Variants in MAP1B observed in about 807,000 individuals in gnomAD.
The protein encoded by MAP1B is microtubule associated protein 1B.
In MAP1B, 12 loss-of-function variants were observed where a neutral mutation model predicts 176.1. That is an observed-to-expected ratio of 0.07 (90% CI 0.04 to 0.11). The LOEUF (loss-of-function observed/expected upper bound fraction) is 0.11. MAP1B is among the 10% of genes least tolerant of loss of function. MAP1B has a pLI of 1.00. For synonymous variants in MAP1B, 1,044 were observed against 1,135.0 expected (o/e 0.92, Z 1.61); for missense variants, 2,523 against 2,990.5 (o/e 0.84, Z 3.65).
At chr5:72,136,141 G>A (rs1745834829) in intron 2 of MAP1B, among the ~76,000 whole-genome samples, 1 of 152,188 alleles carries the variant, frequency 6.6e-6, no homozygotes, top group African/African-American at 2.4e-5. Context: ...TAGGTACTAA[G>A]TAAAGTGCTA....
At chr5:72,202,288 C>A (rs1305959996) in intron 5 of MAP1B, among the ~76,000 whole-genome samples, 2 of 152,224 alleles carry the variant, frequency 1.3e-5, no homozygotes, top group Non-Finnish European at 2.9e-5. Flanking sequence ...CTGTAACTCA[C>A]AAACTTCTAG....
At position 72,196,271 on chromosome 5, in the gene MAP1B, T is replaced by C; in HGVS notation, c.2916T>C (p.Thr972=). Residue 972 remains threonine (T), a synonymous_variant, in exon 5 of 7, where the codon ACT becomes ACC. Transcript: ENST00000296755. The surrounding 1 kb of genome is among the most constrained non-coding windows in gnomAD (Gnocchi z 5.3). ...TGAGCGCCTCCAAGCACAGCCCCAC[T>C]GAGGATGAGGAAAGTGCCAAGGCGG... ...VCVSASKHSP[T]EDEESAKAEA... The C allele has an allele frequency of 6.2e-7, 1 of 1,613,766 alleles. No individual in the cohort carries two copies. Among genetic ancestry groups the C allele is most frequent in the African/African-American group, 1.3e-5 (1 of 74,890 alleles).
At chr5:72,166,902 C>T (rs1052062721) in intron 2 of MAP1B, among the ~76,000 whole-genome samples, 3 of 152,122 alleles carry the variant, frequency 2.0e-5, no homozygotes, top group Non-Finnish European at 4.4e-5. Context: ...GTGGGCAGGA[C>T]GGGGCAGTCC....
At position 72,180,015 on chromosome 5, in the gene MAP1B, G is replaced by A. The variant is rs114031448; in HGVS notation, c.287-3728G>A. ...GAAGGCTCCTGCCAGGGGCCACCTCGGCAGCAGGCGAGCTCACTGTGTGTT... is the reference window on the plus strand; with the variant it reads ...GAAGGCTCCTGCCAGGGGCCACCTCAGCAGCAGGCGAGCTCACTGTGTGTT... On this transcript the variant is annotated intron_variant, in intron 2 of 6. Coordinates refer to ENST00000296755, the MANE Select transcript of MAP1B (RefSeq NM_005909.5). 7.2e-4 allele frequency: 541 copies of A among 753,994 alleles called. No homozygotes were observed. In the African/African-American group the frequency reaches 9.3e-3, roughly 13 times the overall value. 46.7% of individuals were successfully genotyped at this position (753,994 alleles called of 1,614,324 possible).
At position 72,144,596 on chromosome 5, in the gene MAP1B, T is replaced by C. The variant is rs185911811; in HGVS notation, c.286+28797T>C. On this transcript the variant is annotated intron_variant, in intron 2 of 6. Coordinates refer to ENST00000296755, the MANE Select transcript of MAP1B (RefSeq NM_005909.5). ...TTTTTGTAGAGACGAGGTCTTGCTATGTTTCCCAGGCCGGTCTTGAACTCC... is the reference window on the plus strand; with the variant it reads ...TTTTTGTAGAGACGAGGTCTTGCTACGTTTCCCAGGCCGGTCTTGAACTCC... Among the ~76,000 whole-genome samples the C allele has an allele frequency of 2.6e-5, 4 of 152,176 alleles. No individual in the cohort carries two copies. The East Asian group carries it at 7.7e-4, about 29-fold the overall frequency.
Position 72,196,290 on chromosome 5 carries a change from A to G in MAP1B, c.2935A>G (p.Lys979Glu). The change falls in exon 5 of 7, where the codon AAG becomes GAG. Residue 979 changes from lysine (K) to glutamate (E), a missense_variant. Lys to Glu is a moderately conservative substitution (Grantham distance 56). Transcript: ENST00000296755. The surrounding 1 kb of genome is among the most constrained non-coding windows in gnomAD (Gnocchi z 5.3). ...HSPTEDEESAKAEADAYIREK... is the reference protein window; with the variant it reads ...HSPTEDEESAEAEADAYIREK... ...CCCCACTGAGGATGAGGAAAGTGCC[A>G]AGGCGGAGGCTGATGCATACATCAG... is the stretch of plus-strand genomic sequence containing the variant. 6.2e-7 allele frequency: 1 copy of G among 1,614,114 alleles called. No homozygotes were observed.
In MAP1B at chr5:72,186,506, C is replaced by A; in HGVS notation, c.370-108C>A. 1 of 1,377,148 alleles carries A rather than the reference C, an allele frequency of 7.3e-7. No homozygotes were observed. The highest frequency in any genetic ancestry group is 9.9e-7 in the Non-Finnish European group (1 of 1,007,008). 85.3% of individuals were successfully genotyped at this position (1,377,148 alleles called of 1,614,324 possible). The stretch of plus-strand genomic sequence containing the variant: ...AAATTAGACCTTTGGGGAATGAATG[C>A]TTTTTGCTGGTAATAAACTCCCATG... On this transcript the variant is annotated intron_variant, in intron 3 of 6. Transcript: ENST00000296755. The surrounding 1 kb of genome is among the most constrained non-coding windows in gnomAD (Gnocchi z 4.3).
At position 72,194,846 on chromosome 5, in the gene MAP1B, C is replaced by A. The variant is rs769467991; in HGVS notation, c.1491C>A (p.Asn497Lys). 1 of 1,614,088 alleles carries A rather than the reference C, an allele frequency of 6.2e-7. No homozygotes were observed. Residue 497 changes from asparagine (N) to lysine (K), a missense_variant, in exon 5 of 7, where the codon AAC becomes AAA. Physicochemically the swap from Asn to Lys is moderately conservative, Grantham distance 94. Coordinates refer to ENST00000296755, the MANE Select transcript of MAP1B (RefSeq NM_005909.5). This position sits in a 1 kb window ranked among gnomAD's most constrained non-coding sequence, Gnocchi z 7.2. ...VLFPGNSTQY[N>K]ILEGLEKLKH... Reference sequence around the variant, plus strand: ...TTCCTGGGAACAGCACCCAGTACAACATCCTGGAAGGGTTGGAAAAGCTCA... The same window carrying A: ...TTCCTGGGAACAGCACCCAGTACAAAATCCTGGAAGGGTTGGAAAAGCTCA...
intron 2 of MAP1B, among the ~76,000 whole-genome samples, chr5:72,129,252 A>G (rs1489833820): frequency 6.6e-6 from 1 of 152,222 alleles, no homozygotes; most frequent in African/African-American, 2.4e-5. Context: ...TTCAAGAAGC[A>G]TTAGAAGATC....
intron 2 of MAP1B, among the ~76,000 whole-genome samples, chr5:72,126,166 G>A (rs1035172867): frequency 6.6e-6 from 1 of 152,190 alleles, no homozygotes; most frequent in Non-Finnish European, 1.5e-5. Flanking sequence ...TGCTTTCCAG[G>A]ACCCTTCCCC....
At chr5:72,173,344 C>T (rs183482832) in intron 2 of MAP1B, among the ~76,000 whole-genome samples, 94 of 152,316 alleles carry the variant, frequency 6.2e-4, no homozygotes, top group Admixed American at 3.7e-3. Flanking sequence ...GCATCTCATT[C>T]ATGTTTTAAT....
intron 2 of MAP1B, among the ~76,000 whole-genome samples, chr5:72,182,633 G>A (rs539986939): frequency 7.9e-5 from 12 of 152,264 alleles, no homozygotes; most frequent in Admixed American, 6.5e-5. Context: ...TTGAAGAACT[G>A]GCCAACTATT....
In MAP1B at chr5:72,196,373, G is replaced by T. The variant is rs745894743; in HGVS notation, c.3018G>T (p.Glu1006Asp). Reference sequence around the variant, plus strand: ...ACCGAGCCGAAGAAGACATGGATGAGGCCATTGAGAAAGGAGAGGCTGAAC... The same window carrying T: ...ACCGAGCCGAAGAAGACATGGATGATGCCATTGAGAAAGGAGAGGCTGAAC... The part of the protein sequence containing the change: ...GDDRAEEDMD[E>D]AIEKGEAEQS... Residue 1006 changes from glutamate (E) to aspartate (D), a missense_variant, in exon 5 of 7, where the codon GAG (glutamate) becomes GAT (aspartate). Transcript: ENST00000296755. This position sits in a 1 kb window ranked among gnomAD's most constrained non-coding sequence, Gnocchi z 5.3. 1 of 1,614,090 alleles carries T rather than the reference G, an allele frequency of 6.2e-7. No homozygotes were observed. The highest frequency in any genetic ancestry group is 1.1e-5 in the South Asian group (1 of 91,064).
In MAP1B at chr5:72,197,405, A is replaced by G. The variant is rs1163244541; in HGVS notation, c.4050A>G (p.Thr1350=). 3.1e-6 allele frequency: 5 copies of G among 1,614,236 alleles called. No individual in the cohort carries two copies. Among genetic ancestry groups the G allele is most frequent in the Non-Finnish European group, 4.2e-6 (5 of 1,180,032 alleles). ...ACGAGAAATCCAGTCATCTCCCTAC[A>G]GAAGTCATTGAAAAACCACCAGCAG... ...PTDEKSSHLP[T]EVIEKPPAVP... Residue 1350 remains threonine, a synonymous_variant, in exon 5 of 7, where the codon ACA becomes ACG. Transcript: ENST00000296755.
intron 4 of MAP1B, among the ~76,000 whole-genome samples, chr5:72,191,182 T>C (rs1747018014): frequency 1.3e-5 from 2 of 152,244 alleles, no homozygotes; most frequent in South Asian, 4.1e-4. Flanking sequence ...TGATTATGTA[T>C]TGAGGAAACA....
Position 72,204,985 on chromosome 5 carries a change from CCTT to C in MAP1B, c.7252-91_7252-89del, listed in dbSNP as rs143521166. 4,134 of 791,774 alleles carry C rather than the reference CCTT, an allele frequency of 5.2e-3. 107 individuals are homozygous for C. In the African/African-American group the frequency reaches 0.062, roughly 12 times the overall value. The allele number at this position is 791,774 out of a possible 1,614,324, so 49.0% of individuals were successfully genotyped here. The stretch of plus-strand genomic sequence containing the variant: ...AAATAGAAAAGTTTTCTCTCATTTC[CCTT>C]CTTCTTCCAGTGGTCTAATACCTTG... On this transcript the variant is annotated intron_variant, in intron 6 of 6. Transcript: ENST00000296755. This position sits in a 1 kb window ranked among gnomAD's most constrained non-coding sequence, Gnocchi z 4.4.
chr5:72,170,124 A>G (rs1040783483), intron 2 of MAP1B, among the ~76,000 whole-genome samples: 10 of 152,250 alleles, frequency 6.6e-5, no homozygotes, highest in African/African-American at 2.4e-4. Context: ...AAATGAACAC[A>G]TCAGCATTGT....
intron 2 of MAP1B, among the ~76,000 whole-genome samples, chr5:72,170,345 T>G (rs569918795): frequency 1.3e-4 from 20 of 152,250 alleles, no homozygotes; most frequent in African/African-American, 4.6e-4. Flanking sequence ...AGGGAAGCTT[T>G]TACAAGAAGG....
chr5:72,130,829 C>T (rs899766307), intron 2 of MAP1B, among the ~76,000 whole-genome samples: 1 of 152,158 alleles, frequency 6.6e-6, no homozygotes, highest in Non-Finnish European at 1.5e-5. Context: ...TTAATATTCT[C>T]TCATACAAGT....
Sources: gnomAD v4.1 joint callset for allele counts (sites outside exome capture counted in the v4.1 genomes callset) on GRCh38, gnomAD v4.1.1 for gene constraint, Gnocchi (gnomAD v3.1) non-coding constraint, MANE v1.5 for transcripts, NCBI Gene and HGNC (gene_info 2026-07-23, HGNC 2026-07-21) for gene names.